The following TTBK1 variants were observed in gnomAD, a reference collection of about 807,000 sequenced individuals.
The protein encoded by TTBK1 is tau tubulin kinase 1.
A neutral mutation model predicts 108.5 loss-of-function variants in TTBK1; 34 were observed. The ratio of observed to expected loss-of-function variants is 0.31; its 90% CI spans 0.24 to 0.42. The LOEUF is 0.42. Ranked by LOEUF, TTBK1 falls within the 10% of genes least tolerant of loss-of-function variation. The pLI is 1.00. For missense variants in TTBK1, 1,539 were observed against 1,826.0 expected (o/e 0.84, Z 2.86); for synonymous variants, 809 against 795.1 (o/e 1.02, Z -0.29).
chr6:43,271,956 G>T, intron 13 of TTBK1: 1 of 974,982 alleles, frequency 1.0e-6, no homozygotes, highest in Non-Finnish European at 1.2e-6. Context: ...GGATGGCTTT[G>T]CACCCTGCTC....
At position 43,259,233 on chromosome 6, in the gene TTBK1, T is replaced by C; in HGVS notation, c.1212T>C (p.Asp404=). 3 of 1,578,234 alleles carry C rather than the reference T, an allele frequency of 1.9e-6. No homozygotes were observed. The highest frequency in any genetic ancestry group is 1.4e-5 in the African/African-American group (1 of 73,698). ...AGGCTGAAGTCTGGGAGGAGACAGATGTCAACCGGAACAAACTCCGGATCA... is the reference window on the plus strand; with the variant it reads ...AGGCTGAAGTCTGGGAGGAGACAGACGTCAACCGGAACAAACTCCGGATCA... ...GPEAEVWEET[D]VNRNKLRINI... is the part of the protein sequence containing the mutation. Residue 404 remains aspartate (D), a synonymous_variant, in exon 11 of 15, where the codon GAT becomes GAC. Coordinates refer to ENST00000259750, the MANE Select transcript of TTBK1 (RefSeq NM_032538.3). The surrounding 1 kb of genome is among the most constrained non-coding windows in gnomAD (Gnocchi z 6.7).
Position 43,262,888 on chromosome 6 carries a change from C to T in TTBK1, c.1524C>T (p.Ala508=). ...ACACAGGCCACGCTGACCGACAGGC[C>T]AGTGGCCGCATGGACGTGTCAGCCT... ...SVDTGHADRQ[A]SGRMDVSASV... Residue 508 remains alanine, a synonymous_variant, in exon 13 of 15, where the codon GCC becomes GCT. Coordinates refer to ENST00000259750, the MANE Select transcript of TTBK1 (RefSeq NM_032538.3). The T allele has an allele frequency of 6.2e-7, 1 of 1,613,634 alleles. No homozygotes were observed. The highest frequency in any genetic ancestry group is 8.5e-7 in the Non-Finnish European group (1 of 1,179,840).
At chr6:43,284,453 A>G (rs536530066) in intron 14 of TTBK1, 141 bp downstream of exon 14, 8 of 1,375,502 alleles carry the variant, frequency 5.8e-6, no homozygotes, top group African/African-American at 1.5e-5. Context: ...GCACCTCCCA[A>G]CTGTGCTCTG....
At chr6:43,277,674 G>A (rs1168432323) in intron 13 of TTBK1, among the ~76,000 whole-genome samples, 2 of 152,230 alleles carry the variant, frequency 1.3e-5, no homozygotes, top group Non-Finnish European at 2.9e-5. Flanking sequence ...CCCCTTCCCC[G>A]GCATTCCTGG....
At chr6:43,278,201 T>C (rs1778060881) in intron 13 of TTBK1, among the ~76,000 whole-genome samples, 1 of 152,190 alleles carries the variant, frequency 6.6e-6, no homozygotes, top group Admixed American at 6.5e-5. Flanking sequence ...AGAGCCCAGT[T>C]TTGTTGGTGG....
chr6:43,284,179 G>T lies in TTBK1; in HGVS notation c.3439G>T (p.Gly1147Trp). Reference sequence around the variant, plus strand: ...GGCAGCGGCCTTGCCCAGGAAGAGCGGGAGGGCAGCCGCCACCAGGAGCCG... The same window carrying T: ...GGCAGCGGCCTTGCCCAGGAAGAGCTGGAGGGCAGCCGCCACCAGGAGCCG... ...EPAAALPRKS[G>W]RAAATRSRIP... Residue 1147 changes from glycine to tryptophan, a missense_variant, in exon 14 of 15, where the codon GGG becomes TGG. Gly to Trp is a radical substitution (Grantham distance 184, BLOSUM62 -2). Coordinates refer to ENST00000259750, the MANE Select transcript of TTBK1 (RefSeq NM_032538.3). 1 of 1,566,124 alleles carries T rather than the reference G, an allele frequency of 6.4e-7. No individual in the cohort carries two copies. The highest frequency in any genetic ancestry group is 2.3e-5 in the East Asian group (1 of 42,924).
chr6:43,271,458 C>T, intron 13 of TTBK1: 6 of 985,368 alleles, frequency 6.1e-6, no homozygotes, highest in Non-Finnish European at 7.2e-6. Flanking sequence ...GTTAGGGAGC[C>T]AGAAAGATGT....
chr6:43,262,279 T>C (rs1777561481), intron 12 of TTBK1, among the ~76,000 whole-genome samples: 1 of 152,148 alleles, frequency 6.6e-6, no homozygotes, highest in South Asian at 2.1e-4. Flanking sequence ...CAAGGCCATC[T>C]TGGGGGTGAT....
Position 43,283,042 on chromosome 6 carries a change from G to C in TTBK1, c.2302G>C (p.Glu768Gln). ...GGAGGAAGAAGAGGAGGAGGAGGAA[G>C]AGGAGGAGGAGGCTGCAGCGGCAGT... is the stretch of plus-strand genomic sequence containing the variant. ...EEEEEEEEEE[E>Q]EEEAAAAVAL... The change falls in exon 14 of 15, where the codon GAG (glutamate) becomes CAG (glutamine). Residue 768 changes from glutamate (E) to glutamine (Q), a missense_variant. Around this residue, in one of 5 missense-constraint regions of TTBK1, gnomAD observed 1,055 missense variants for 1,086.5 expected, o/e 0.97. Coordinates refer to ENST00000259750, the MANE Select transcript of TTBK1 (RefSeq NM_032538.3). This position sits in a 1 kb window ranked among gnomAD's most constrained non-coding sequence, Gnocchi z 8.1. The C allele has an allele frequency of 6.3e-7, 1 of 1,589,810 alleles. No individual in the cohort carries two copies. The highest frequency in any genetic ancestry group is 8.6e-7 in the Non-Finnish European group (1 of 1,167,972).
chr6:43,246,563 C>A, intron 1 of TTBK1, 44 bp from the exon 2 acceptor site: 1 of 843,252 alleles, frequency 1.2e-6, no homozygotes, highest in Non-Finnish European at 1.8e-6. Context: ...CCAGGTGGTC[C>A]TGGGTCCGCA....
chr6:43,253,690 G>A lies in TTBK1; in HGVS notation c.453G>A (p.Leu151=). The stretch of plus-strand genomic sequence containing the variant: ...AGGCCATCCACTCTGTGGGCTTCCT[G>A]CACCGTGACATCAAGCCTGTGAGTA... ...SIEAIHSVGF[L]HRDIKPSNFA... is the part of the protein sequence containing the mutation. The change falls in exon 5 of 15, where the codon CTG becomes CTA. Residue 151 remains leucine, a synonymous_variant. Transcript: ENST00000259750. The surrounding 1 kb of genome is among the most constrained non-coding windows in gnomAD (Gnocchi z 5.8). The A allele has an allele frequency of 6.2e-7, 1 of 1,613,310 alleles. No homozygotes were observed. The highest frequency in any genetic ancestry group is 8.5e-7 in the Non-Finnish European group (1 of 1,179,664).
Position 43,276,971 on chromosome 6 carries a change from A to G in TTBK1, c.1987-5756A>G, listed in dbSNP as rs916483612. Reference sequence around the variant, plus strand: ...GGGTGAGTGGACTCTGGTCTCTGGGACTCAGCTCCAAATTGCCAACTTCCG... The same window carrying G: ...GGGTGAGTGGACTCTGGTCTCTGGGGCTCAGCTCCAAATTGCCAACTTCCG... On this transcript the variant is annotated intron_variant, in intron 13 of 14. Transcript: ENST00000259750. This position sits in a 1 kb window ranked among gnomAD's most constrained non-coding sequence, Gnocchi z 5.4. 6.6e-6 allele frequency among the ~76,000 whole-genome samples: 1 copy of G among 151,994 alleles called. No individual in the cohort carries two copies. The highest frequency in any genetic ancestry group is 2.4e-5 in the African/African-American group (1 of 41,376).
chr6:43,283,370 G>A lies in TTBK1; in HGVS notation c.2630G>A (p.Ser877Asn), dbSNP rs1030840820. ...CATGAGCGGCCCCAGCCCACGGGCAGCCAGCTGGACGTATCTGAGCCAGGC... is the reference window on the plus strand; with the variant it reads ...CATGAGCGGCCCCAGCCCACGGGCAACCAGCTGGACGTATCTGAGCCAGGC... ...PQHERPQPTG[S>N]QLDVSEPGTL... Residue 877 changes from serine to asparagine, a missense_variant, in exon 14 of 15, where the codon AGC (serine) becomes AAC (asparagine). This residue lies in a region of TTBK1 where 1,055 missense variants were observed against 1,086.5 expected (regional missense o/e 0.97). Coordinates refer to ENST00000259750, the MANE Select transcript of TTBK1 (RefSeq NM_032538.3). The surrounding 1 kb of genome is among the most constrained non-coding windows in gnomAD (Gnocchi z 8.1). 1 of 1,602,444 alleles carries A rather than the reference G, an allele frequency of 6.2e-7. No individual in the cohort carries two copies. The highest frequency in any genetic ancestry group is 8.5e-7 in the Non-Finnish European group (1 of 1,174,566).
At chr6:43,256,472 C>T (rs933454001) in intron 9 of TTBK1, among the ~76,000 whole-genome samples, 7 of 150,822 alleles carry the variant, frequency 4.6e-5, no homozygotes, top group Admixed American at 2.6e-4. Context: ...GGTGCGGTGG[C>T]TCACACCTGT....
At chr6:43,274,328 G>A (rs1007634282) in intron 13 of TTBK1, among the ~76,000 whole-genome samples, 2 of 152,180 alleles carry the variant, frequency 1.3e-5, no homozygotes, top group African/African-American at 2.4e-5. Flanking sequence ...GCTGGTCCCA[G>A]GACACCCGGA....
In TTBK1 at chr6:43,259,863, C is replaced by T. The variant is rs1186403085; in HGVS notation, c.1424+157C>T. Reference sequence around the variant, plus strand: ...GCCTGGGGTCAGACTCAGTTGGGGCCAGAGACAGGGCCTGGGAGAACCAGT... The same window carrying T: ...GCCTGGGGTCAGACTCAGTTGGGGCTAGAGACAGGGCCTGGGAGAACCAGT... On this transcript the variant is annotated intron_variant, in intron 12 of 14. Transcript: ENST00000259750. The surrounding 1 kb of genome is among the most constrained non-coding windows in gnomAD (Gnocchi z 6.7). 6.6e-6 allele frequency among the ~76,000 whole-genome samples: 1 copy of T among 152,194 alleles called. No homozygotes were observed. The highest frequency in any genetic ancestry group is 6.5e-5 in the Admixed American group (1 of 15,274).
intron 13 of TTBK1, among the ~76,000 whole-genome samples, chr6:43,264,149 A>C (rs970675199): frequency 2.6e-5 from 4 of 152,324 alleles, no homozygotes; most frequent in Non-Finnish European, 5.9e-5. Flanking sequence ...TGGGAGGCCA[A>C]GGTGGGCAGA....
chr6:43,268,847 C>A (rs1777747733), intron 13 of TTBK1, among the ~76,000 whole-genome samples: 1 of 152,198 alleles, frequency 6.6e-6, no homozygotes, highest in South Asian at 2.1e-4. Flanking sequence ...TCCCTTCCCT[C>A]ATTTGGAAGA....
chr6:43,284,207 T>G lies in TTBK1; in HGVS notation c.3467T>G (p.Ile1156Ser). ...AGGGCAGCCGCCACCAGGAGCCGGA[T>G]TCCCCGCCCCATTGGCCTCCGCATG... ...SGRAAATRSR[I>S]PRPIGLRMPM... is the part of the protein sequence containing the mutation. The change falls in exon 14 of 15, where the codon ATT becomes AGT. Residue 1156 changes from isoleucine to serine, a missense_variant. By Grantham distance (142) the Ile-to-Ser change is moderately radical. Transcript: ENST00000259750. 6.3e-7 allele frequency: 1 copy of G among 1,588,198 alleles called. No homozygotes were observed. The highest frequency in any genetic ancestry group is 8.5e-7 in the Non-Finnish European group (1 of 1,174,976).
Sources: gnomAD v4.1 joint callset for allele counts (sites outside exome capture counted in the v4.1 genomes callset) on GRCh38, gnomAD v4.1.1 for gene constraint, gnomAD v4.1.1 regional missense constraint, Gnocchi (gnomAD v3.1) non-coding constraint, MANE v1.5 for transcripts, NCBI Gene and HGNC (gene_info 2026-07-23, HGNC 2026-07-21) for gene names.